Variants in LRP6 observed in about 807,000 individuals in gnomAD.
LRP6 encodes the protein low-density lipoprotein receptor-related protein 6.
LRP6 carries 43 observed loss-of-function variants against 184.1 expected under a neutral mutation model. That is an observed-to-expected ratio of 0.23 (90% confidence interval 0.18 to 0.30). LRP6 has a LOEUF of 0.30. LRP6 is among the 10% of genes least tolerant of loss of function. LRP6 has a pLI of 1.00. For synonymous variants in LRP6, 719 were observed against 684.9 expected (o/e 1.05, Z -0.78); for missense variants, 1,571 against 2,005.3 (o/e 0.78, Z 4.14).
intron 17 of LRP6, among the ~76,000 whole-genome samples, chr12:12,134,172 T>C (rs977387216): frequency 7.2e-5 from 11 of 152,338 alleles, no homozygotes; most frequent in Non-Finnish European, 1.5e-4. Context: ...ACAATTTTTA[T>C]ATGTTGAATA....
rs531590916 is a variant in LRP6, at chr12:12,196,459, A to C, written c.647+6744T>G. Among the ~76,000 whole-genome samples the C allele has an allele frequency of 1.3e-4, 20 of 152,046 alleles. 1 individual carries two copies. In the South Asian group the frequency reaches 4.2e-3, roughly 32 times the overall value. ...GGTATTTTATTAATTTCTTATAGCT[A>C]TTGTAAATGACACTGCCTTCTTAAT... On this transcript the variant is annotated intron_variant, in intron 3 of 22. Coordinates refer to ENST00000261349, the MANE Select transcript of LRP6 (RefSeq NM_002336.3).
At chr12:12,185,189 C>T (rs1863439090) in intron 4 of LRP6, among the ~76,000 whole-genome samples, 1 of 152,048 alleles carries the variant, frequency 6.6e-6, no homozygotes, top group Non-Finnish European at 1.5e-5. Flanking sequence ...GTCCCAGCTA[C>T]TAGGGAGGCT....
At position 12,179,816 on chromosome 12, in the gene LRP6, C is replaced by G; in HGVS notation, c.1539G>C (p.Lys513Asn). Residue 513 changes from lysine (K) to asparagine (N), a missense_variant, in exon 7 of 23, where the codon AAG becomes AAC. Lys to Asn is a moderately conservative substitution (Grantham distance 94, BLOSUM62 0). Coordinates refer to ENST00000261349, the MANE Select transcript of LRP6 (RefSeq NM_002336.3). ...KIYWGDAKTD[K>N]IEVMNTDGTG... Reference sequence around the variant, plus strand: ...GAAAAAGCAAAAAACAAACCTCAATCTTGTCTGTTTTGGCATCTCCCCAGT... The same window carrying G: ...GAAAAAGCAAAAAACAAACCTCAATGTTGTCTGTTTTGGCATCTCCCCAGT... 6.2e-7 allele frequency: 1 copy of G among 1,613,726 alleles called. No homozygotes were observed. The highest frequency in any genetic ancestry group is 1.1e-5 in the South Asian group (1 of 91,076).
At chr12:12,155,945 T>C (rs1950146202) in intron 12 of LRP6, among the ~76,000 whole-genome samples, 2 of 152,146 alleles carry the variant, frequency 1.3e-5, no homozygotes, top group South Asian at 4.1e-4. Context: ...TACCACAGAC[T>C]AAGTGTTATT....
At chr12:12,216,203 G>A (rs545825215) in intron 2 of LRP6, among the ~76,000 whole-genome samples, 3 of 151,984 alleles carry the variant, frequency 2.0e-5, no homozygotes, top group Non-Finnish European at 4.4e-5. Flanking sequence ...CACAAACAGG[G>A]AGAAGACAGA....
chr12:12,217,287 C>T (rs774240070), intron 2 of LRP6, among the ~76,000 whole-genome samples: 8 of 151,874 alleles, frequency 5.3e-5, no homozygotes, highest in East Asian at 1.9e-4. Context: ...ATCTAGGTTG[C>T]GTGCTCCTTA....
intron 22 of LRP6, among the ~76,000 whole-genome samples, chr12:12,122,196 C>T (rs1017555619): frequency 6.6e-6 from 1 of 152,110 alleles, no homozygotes; most frequent in Non-Finnish European, 1.5e-5. Flanking sequence ...TGTAGCACTG[C>T]TAACTAAAGA....
chr12:12,199,981 A>C (rs1232303581), intron 3 of LRP6, among the ~76,000 whole-genome samples: 2 of 148,502 alleles, frequency 1.3e-5, no homozygotes, highest in African/African-American at 5.1e-5. Context: ...AAAAAAAAAA[A>C]AAAAAAAAAA....
At chr12:12,135,716 T>A (rs1045260272) in intron 16 of LRP6, among the ~76,000 whole-genome samples, 3 of 151,806 alleles carry the variant, frequency 2.0e-5, no homozygotes, top group African/African-American at 7.2e-5. Context: ...TTGGTCCAGC[T>A]TGGACTTTTA....
chr12:12,258,079 T>A (rs139287783), intron 1 of LRP6, among the ~76,000 whole-genome samples: 1 of 152,272 alleles, frequency 6.6e-6, no homozygotes, highest in East Asian at 1.9e-4. Flanking sequence ...ATATGCTGAT[T>A]TTTTAGTAGT....
At chr12:12,149,394 C>T (rs1950050976) in intron 13 of LRP6, among the ~76,000 whole-genome samples, 2 of 152,072 alleles carry the variant, frequency 1.3e-5, no homozygotes, top group South Asian at 4.2e-4. Flanking sequence ...ATTAGTTGCT[C>T]CAAGAACCTG....
At chr12:12,174,112 ATCTT>A (rs1293285753) in intron 7 of LRP6, among the ~76,000 whole-genome samples, 1 of 151,716 alleles carries the variant, frequency 6.6e-6, no homozygotes, top group East Asian at 1.9e-4. Context: ...AGTATAATCA[ATCTT>A]TCTTTTTTTT....
In LRP6 at chr12:12,120,042, T is replaced by TAA. The variant is rs61195540; in HGVS notation, c.*1082_*1083dup. ...ATATATATATATATATATATATATA[T>TAA]AAATGATTTCGTACTGTGATATATG... On this transcript the variant is annotated 3_prime_UTR_variant, in exon 23 of 23. Coordinates refer to ENST00000261349, the MANE Select transcript of LRP6 (RefSeq NM_002336.3). The TAA allele has an allele frequency of 1.1e-3, 124 of 110,836 alleles. 2 individuals are homozygous for TAA. The highest frequency in any genetic ancestry group is 4.2e-3 in the African/African-American group (120 of 28,280). The allele number at this position is 110,836 out of a possible 1,614,324, so 6.9% of individuals were successfully genotyped here. A position where few individuals can be genotyped will look rare whatever the true frequency, so the allele number is the denominator to read the frequency against.
chr12:12,215,495 G>T (rs1195283609), intron 2 of LRP6, among the ~76,000 whole-genome samples: 1 of 151,406 alleles, frequency 6.6e-6, no homozygotes, highest in South Asian at 2.1e-4. Context: ...GCGCGATCTC[G>T]GCTCACTGCA....
Position 12,164,278 on chromosome 12 carries a change from G to C in LRP6, c.2047C>G (p.Leu683Val), listed in dbSNP as rs1405555902. Residue 683 changes from leucine to valine, a missense_variant, in exon 9 of 23, where the codon CTC becomes GTC. By Grantham distance (32) the Leu-to-Val change is conservative. Around this residue, in one of 4 missense-constraint regions of LRP6, gnomAD observed 640 missense variants for 851.9 expected, o/e 0.75. Transcript: ENST00000261349. Reference protein sequence around the residue: ...DNRIYWTDISLKTISRAFMNG... With the variant: ...DNRIYWTDISVKTISRAFMNG... ...ATTCCAATTCTTTTGCTAACCTTGAGTGATATATCAGTCCAATAAATTCGG... is the reference window on the plus strand; with the variant it reads ...ATTCCAATTCTTTTGCTAACCTTGACTGATATATCAGTCCAATAAATTCGG... 1 of 1,613,540 alleles carries C rather than the reference G, an allele frequency of 6.2e-7. No homozygotes were observed. The highest frequency in any genetic ancestry group is 8.5e-7 in the Non-Finnish European group (1 of 1,179,886).
At chr12:12,221,101 T>C (rs1864476245) in intron 2 of LRP6, among the ~76,000 whole-genome samples, 1 of 152,260 alleles carries the variant, frequency 6.6e-6, no homozygotes, top group South Asian at 2.1e-4. Flanking sequence ...TTCGTGAGAC[T>C]GGTTAGCAGA....
intron 2 of LRP6, among the ~76,000 whole-genome samples, chr12:12,218,652 A>G (rs577394915): frequency 4.6e-5 from 7 of 152,104 alleles, no homozygotes; most frequent in African/African-American, 1.7e-4. Flanking sequence ...ACCCACTAGG[A>G]TGGTTATAAC....
At chr12:12,178,829 G>A (rs1419904210) in intron 7 of LRP6, among the ~76,000 whole-genome samples, 1 of 152,098 alleles carries the variant, frequency 6.6e-6, no homozygotes, top group East Asian at 1.9e-4. Context: ...ATACTAACGG[G>A]GTTTCTTCTA....
At position 12,165,752 on chromosome 12, in the gene LRP6, T is replaced by A. The variant is rs937221291; in HGVS notation, c.1546-457A>T. On this transcript the variant is annotated intron_variant, in intron 7 of 22. Coordinates refer to ENST00000261349, the MANE Select transcript of LRP6 (RefSeq NM_002336.3). ...AAGGTCACAGAGCTTGTAAACACAG[T>A]TGATGTCTTTTTCAGGACTTTTTCC... Among the ~76,000 whole-genome samples, 7 of 152,270 alleles carry A rather than the reference T, an allele frequency of 4.6e-5. No individual in the cohort carries two copies. The East Asian group carries it at 1.2e-3, about 25-fold the overall frequency.
Sources: allele counts gnomAD v4.1 joint callset (sites outside exome capture counted in the v4.1 genomes callset), GRCh38; gene constraint gnomAD v4.1.1; regional missense constraint gnomAD v4.1.1; transcripts MANE v1.5; gene names NCBI Gene and HGNC (gene_info 2026-07-23, HGNC 2026-07-21).